The following RNF217 variants were observed in gnomAD, a reference collection of about 807,000 sequenced individuals.
The protein encoded by RNF217 is E3 ubiquitin-protein ligase RNF217.
RNF217 carries 31 observed loss-of-function variants against 57.8 expected under a neutral mutation model. The ratio of observed to expected loss-of-function variants is 0.54; its 90% confidence interval spans 0.40 to 0.72. The LOEUF is 0.72. Ranked by LOEUF, RNF217 falls within the 30% of genes least tolerant of loss-of-function variation. RNF217 has a pLI of 0.00. For missense variants in RNF217, 696 were observed against 708.3 expected, an observed-to-expected ratio of 0.98 and a Z score of 0.20; for synonymous variants, 313 against 294.0, an observed-to-expected ratio of 1.06 and a Z score of -0.66.
At chr6:124,971,256 A>G (rs1382962013) in intron 1 of RNF217, 1 of 153,250 alleles carries the variant, frequency 6.5e-6, no homozygotes, top group Non-Finnish European at 1.5e-5. Flanking sequence ...GTTGATACAT[A>G]TATTGTACAA....
chr6:124,984,753 A>C (rs183887605), intron 1 of RNF217, among the ~76,000 whole-genome samples: 2 of 152,234 alleles, frequency 1.3e-5, no homozygotes, highest in East Asian at 3.9e-4. Flanking sequence ...ATGTCTGTAT[A>C]ACCTTAGTAT....
intron 1 of RNF217, among the ~76,000 whole-genome samples, chr6:124,979,310 G>A (rs990832330): frequency 6.6e-6 from 1 of 152,216 alleles, no homozygotes. Flanking sequence ...TCTGAAAAAT[G>A]GTTGTTGCTG....
At chr6:125,019,885 T>C (rs1785765349) in intron 1 of RNF217, among the ~76,000 whole-genome samples, 1 of 151,954 alleles carries the variant, frequency 6.6e-6, no homozygotes, top group East Asian at 1.9e-4. Flanking sequence ...TAAAATAACA[T>C]GTTGCCATTT....
intron 1 of RNF217, among the ~76,000 whole-genome samples, chr6:124,978,975 G>A (rs1001370002): frequency 2.6e-5 from 4 of 152,184 alleles, no homozygotes; most frequent in Admixed American, 1.3e-4. Flanking sequence ...AAGCTGATTG[G>A]TCCATGGGTG....
At chr6:125,037,551 C>T (rs1044914436) in intron 1 of RNF217, among the ~76,000 whole-genome samples, 3 of 152,238 alleles carry the variant, frequency 2.0e-5, no homozygotes, top group African/African-American at 7.2e-5. Flanking sequence ...GCATCTAGCA[C>T]TAAGCCCTGT....
intron 2 of RNF217, among the ~76,000 whole-genome samples, chr6:125,053,824 T>C (rs58375751): frequency 6.6e-6 from 1 of 152,268 alleles, no homozygotes; most frequent in African/African-American, 2.4e-5. Context: ...TTCTTAGCTC[T>C]GATAACTTTA....
intron 1 of RNF217, among the ~76,000 whole-genome samples, chr6:125,025,751 GGGAA>G (rs1245395482): frequency 7.3e-6 from 1 of 137,560 alleles, no homozygotes; most frequent in Non-Finnish European, 1.6e-5. Context: ...GAGGGAGGAA[GGGAA>G]GGAGGGAGGG....
chr6:125,034,389 G>C (rs1359418395), intron 1 of RNF217, among the ~76,000 whole-genome samples: 1 of 152,116 alleles, frequency 6.6e-6, no homozygotes, highest in Non-Finnish European at 1.5e-5. Flanking sequence ...GTAAGGAAGG[G>C]ATCCAGTTTC....
intron 1 of RNF217, among the ~76,000 whole-genome samples, chr6:124,992,680 A>G (rs1200232666): frequency 2.0e-5 from 3 of 152,330 alleles, no homozygotes; most frequent in South Asian, 2.1e-4. Flanking sequence ...TGATAAAAGT[A>G]CATTGAATTT....
chr6:124,974,777 A>C (rs923809400), intron 1 of RNF217, among the ~76,000 whole-genome samples: 3 of 152,324 alleles, frequency 2.0e-5, no homozygotes, highest in Non-Finnish European at 4.4e-5. Flanking sequence ...AATCTTTGTG[A>C]AATTGGCCTA....
chr6:125,019,978 CTCCAGGTGCTGTGAAGGCA>C (rs1422798210), intron 1 of RNF217, among the ~76,000 whole-genome samples: 1 of 152,136 alleles, frequency 6.6e-6, no homozygotes, highest in Admixed American at 6.5e-5. Flanking sequence ...GGGCGAGGGA[CTCCAGGTGCTGTGAAGGCA>C]TCCAGCCTGT....
intron 3 of RNF217, among the ~76,000 whole-genome samples, chr6:125,061,501 G>A (rs1787731933): frequency 6.6e-6 from 1 of 151,382 alleles, no homozygotes; most frequent in African/African-American, 2.4e-5. Context: ...GGGACAGATT[G>A]GGGCATATTT....
intron 3 of RNF217, among the ~76,000 whole-genome samples, chr6:125,064,691 GA>G (rs1178327629): frequency 1.3e-5 from 2 of 152,056 alleles, no homozygotes; most frequent in Non-Finnish European, 2.9e-5. Flanking sequence ...AGTGAAATTT[GA>G]ATGTTATCAA....
chr6:125,011,595 A>C (rs1785417671), intron 1 of RNF217, among the ~76,000 whole-genome samples: 1 of 152,186 alleles, frequency 6.6e-6, no homozygotes, highest in African/African-American at 2.4e-5. Context: ...TAATGTCTGA[A>C]AGCATCTACT....
At chr6:124,982,331 T>A (rs1221957611) in intron 1 of RNF217, among the ~76,000 whole-genome samples, 5 of 152,308 alleles carry the variant, frequency 3.3e-5, no homozygotes, top group Non-Finnish European at 7.4e-5. Flanking sequence ...TGGGATTTAA[T>A]TTTTGAATCA....
chr6:124,998,144 A>G (rs1784820258), intron 1 of RNF217, among the ~76,000 whole-genome samples: 1 of 152,018 alleles, frequency 6.6e-6, no homozygotes, highest in Admixed American at 6.5e-5. Flanking sequence ...AGCTCTGGGC[A>G]TTTTCATTCT....
chr6:125,066,151 G>A (rs1458926609), intron 3 of RNF217, among the ~76,000 whole-genome samples: 2 of 152,082 alleles, frequency 1.3e-5, no homozygotes, highest in East Asian at 1.9e-4. Context: ...CACTAACCTG[G>A]GGCAAGGCAT....
chr6:124,982,490 T>TC (rs1252987472), intron 1 of RNF217, among the ~76,000 whole-genome samples: 1 of 152,112 alleles, frequency 6.6e-6, no homozygotes, highest in South Asian at 2.1e-4. Context: ...CATTGGTACC[T>TC]CACGTATGGG....
chr6:125,067,908 G>C (rs1214893547), intron 3 of RNF217, among the ~76,000 whole-genome samples: 2 of 152,074 alleles, frequency 1.3e-5, no homozygotes, highest in Non-Finnish European at 2.9e-5. Context: ...TCAGAGAGGA[G>C]AGGAGAAACT....
Sources: allele counts gnomAD v4.1 joint callset (sites outside exome capture counted in the v4.1 genomes callset), GRCh38; gene constraint gnomAD v4.1.1; transcripts MANE v1.5; gene names NCBI Gene and HGNC (gene_info 2026-07-23, HGNC 2026-07-21).